Variants in SCGN observed in about 807,000 individuals in gnomAD.
SCGN encodes secretagogin.
Under a neutral mutation model 39.7 loss-of-function variants are expected in SCGN, and 30 were observed. That is an observed-to-expected ratio of 0.76 (90% CI 0.57 to 1.03). The LOEUF (loss-of-function observed/expected upper bound fraction) is 1.03, where lower values mean the gene tolerates loss of function less well. SCGN is among the 50% of genes least tolerant of loss of function. The pLI, the probability that SCGN is intolerant of heterozygous loss-of-function variation, is 0.00. For missense variants in SCGN, 353 were observed against 349.4 expected, an observed-to-expected ratio of 1.01 and a Z score of -0.08; for synonymous variants, 106 against 114.1, an observed-to-expected ratio of 0.93 and a Z score of 0.45.
intron 10 of SCGN, among the ~76,000 whole-genome samples, chr6:25,694,849 T>G (rs1297271203): frequency 2.6e-5 from 4 of 152,126 alleles, no homozygotes; most frequent in Admixed American, 2.6e-4. Flanking sequence ...ATAAACAGAG[T>G]CTTTCCTGTG....
intron 4 of SCGN, among the ~76,000 whole-genome samples, chr6:25,668,316 G>A (rs75197953): frequency 1.6e-4 from 25 of 152,312 alleles, no homozygotes; most frequent in Non-Finnish European, 2.9e-4. Flanking sequence ...CAGAGGTGGG[G>A]AGAGTAAGAG....
intron 2 of SCGN, among the ~76,000 whole-genome samples, chr6:25,655,083 G>C (rs1760204066): frequency 6.6e-6 from 1 of 152,192 alleles, no homozygotes; most frequent in Non-Finnish European, 1.5e-5. Flanking sequence ...GTAAATGTAA[G>C]GTTCATCGTG....
intron 7 of SCGN, among the ~76,000 whole-genome samples, chr6:25,687,925 G>A (rs1018709957): frequency 6.6e-6 from 1 of 151,950 alleles, no homozygotes; most frequent in African/African-American, 2.4e-5. Context: ...AAATCTAATT[G>A]TGGATTAATA....
At chr6:25,682,981 A>G (rs764256950) in intron 7 of SCGN, among the ~76,000 whole-genome samples, 1 of 152,208 alleles carries the variant, frequency 6.6e-6, no homozygotes, top group African/African-American at 2.4e-5. Context: ...ACTGGGAAGA[A>G]TATCTCCTCA....
In SCGN at chr6:25,670,064, C is replaced by T; in HGVS notation, c.459C>T (p.Tyr153=). The T allele has an allele frequency of 6.2e-7, 1 of 1,611,124 alleles. No homozygotes were observed. Among genetic ancestry groups the T allele is most frequent in the Non-Finnish European group, 8.5e-7 (1 of 1,177,362 alleles). ...TTTCTGAGGCTAAACTGGAAGAATA[C>T]ACTGGCACCATGGTAAGTAATGAGT... The part of the protein sequence containing the change: ...KAISEAKLEE[Y]TGTMMKIFDR... The change falls in exon 6 of 11, where the codon TAC becomes TAT. Residue 153 remains tyrosine, a synonymous_variant. Transcript: ENST00000377961.
At position 25,696,374 on chromosome 6, in the gene SCGN, G is replaced by A. The variant is rs548453085; in HGVS notation, c.703-4833G>A. ...GAATAATAGACATTACAATATCATA[G>A]TATATTATTTATAATATAGAGTATA... is the stretch of plus-strand genomic sequence containing the variant. On this transcript the variant is annotated intron_variant, in intron 10 of 10. Transcript: ENST00000377961. 2.6e-5 allele frequency among the ~76,000 whole-genome samples: 4 copies of A among 151,868 alleles called. No homozygotes were observed. In the South Asian group the frequency reaches 6.2e-4, roughly 24 times the overall value.
chr6:25,662,970 A>G (rs1258337228), intron 3 of SCGN, among the ~76,000 whole-genome samples: 1 of 152,254 alleles, frequency 6.6e-6, no homozygotes, highest in Admixed American at 6.5e-5. Flanking sequence ...AACATAGCAA[A>G]TAACTGAAAA....
chr6:25,668,365 A>G (rs1256181996), intron 4 of SCGN, among the ~76,000 whole-genome samples: 1 of 152,188 alleles, frequency 6.6e-6, no homozygotes, highest in Non-Finnish European at 1.5e-5. Context: ...TTCTTCAAAG[A>G]GTGTCAGCTG....
chr6:25,666,883 A>G (rs1760433222), intron 4 of SCGN, among the ~76,000 whole-genome samples: 1 of 152,196 alleles, frequency 6.6e-6, no homozygotes, highest in Non-Finnish European at 1.5e-5. Context: ...AGTCATAATT[A>G]TTTAAAATTT....
intron 1 of SCGN, 130 bp from the exon 2 acceptor site, chr6:25,653,247 ACTTTG>A (rs1450437739): frequency 1.6e-6 from 1 of 636,676 alleles, no homozygotes; most frequent in Non-Finnish European, 2.7e-6. Context: ...AGGTGTTGGC[ACTTTG>A]TTATTGGAAT....
intron 7 of SCGN, 80 bp from the exon 8 acceptor site, chr6:25,689,092 T>G: frequency 3.2e-6 from 3 of 946,042 alleles, no homozygotes; most frequent in African/African-American, 1.6e-5. Flanking sequence ...GCCTGTACTT[T>G]CCACACACCA....
chr6:25,698,573 A>G (rs1314239057), intron 10 of SCGN, among the ~76,000 whole-genome samples: 5 of 152,350 alleles, frequency 3.3e-5, no homozygotes, highest in Middle Eastern at 3.4e-3. Flanking sequence ...TGCACTGTAC[A>G]ACAAATGAAC....
At chr6:25,653,136 G>T (rs1760162895) in intron 1 of SCGN, among the ~76,000 whole-genome samples, 1 of 152,130 alleles carries the variant, frequency 6.6e-6, no homozygotes, top group Non-Finnish European at 1.5e-5. Flanking sequence ...TAAAATTCAT[G>T]TACTTAATAG....
At chr6:25,671,163 A>G (rs1759494287) in intron 6 of SCGN, among the ~76,000 whole-genome samples, 1 of 152,226 alleles carries the variant, frequency 6.6e-6, no homozygotes, top group African/African-American at 2.4e-5. Flanking sequence ...TGGTGTTTCC[A>G]AATACTATAT....
At chr6:25,670,148 C>A in intron 6 of SCGN, 72 bp downstream of exon 6, 1 of 1,044,562 alleles carries the variant, frequency 9.6e-7, no homozygotes, top group South Asian at 1.3e-5. Context: ...GAAACAGTGT[C>A]TGCTAGAGAG....
intron 6 of SCGN, among the ~76,000 whole-genome samples, chr6:25,671,185 A>G (rs1759494544): frequency 6.6e-6 from 1 of 152,226 alleles, no homozygotes; most frequent in South Asian, 2.1e-4. Context: ...ATGTCTAACA[A>G]CTTCTCTACA....
intron 10 of SCGN, among the ~76,000 whole-genome samples, chr6:25,694,693 T>C (rs1759817338): frequency 1.3e-5 from 2 of 152,358 alleles, no homozygotes; most frequent in Admixed American, 6.5e-5. Flanking sequence ...CCTCCGAAAA[T>C]TGAAGGTGCA....
chr6:25,687,880 T>A (rs983145408), intron 7 of SCGN, among the ~76,000 whole-genome samples: 1 of 152,192 alleles, frequency 6.6e-6, no homozygotes, highest in Non-Finnish European at 1.5e-5. Flanking sequence ...TTAGTGGTTG[T>A]CTGCTAGATT....
At chr6:25,690,416 A>T (rs1759761186) in intron 9 of SCGN, among the ~76,000 whole-genome samples, 1 of 152,236 alleles carries the variant, frequency 6.6e-6, no homozygotes, top group African/African-American at 2.4e-5. Context: ...AGGGAATGGA[A>T]TTTTTAAAAT....
Sources: gnomAD v4.1 joint callset for allele counts (sites outside exome capture counted in the v4.1 genomes callset) on GRCh38, gnomAD v4.1.1 for gene constraint, MANE v1.5 for transcripts, NCBI Gene and HGNC (gene_info 2026-07-23, HGNC 2026-07-21) for gene names.